NPAS1: variants seen among roughly 807,000 people sequenced by gnomAD.
The protein encoded by NPAS1 is neuronal PAS domain protein 1, also known as neuronal PAS domain-containing protein 1.
A neutral mutation model predicts 49.2 loss-of-function variants in NPAS1; 29 were observed. The observed-to-expected ratio is 0.59, with a 90% CI of 0.44 to 0.80. NPAS1 has a LOEUF of 0.80. Ranked by LOEUF, NPAS1 falls within the 30% of genes least tolerant of loss-of-function variation. The pLI is 0.00. For missense variants in NPAS1, 825 were observed against 835.5 expected, an observed-to-expected ratio of 0.99 and a Z score of 0.15; for synonymous variants, 408 against 380.4, an observed-to-expected ratio of 1.07 and a Z score of -0.84.
intron 6 of NPAS1, 40 bp from the exon 7 acceptor site, chr19:47,038,996 T>C (rs2122529629): frequency 6.3e-7 from 1 of 1,582,894 alleles, no homozygotes; most frequent in East Asian, 2.2e-5. Flanking sequence ...GTGTGTTTCC[T>C]CTTCAGGACC....
At chr19:47,020,902 C>G (rs990899204) in intron 1 of NPAS1, 104 bp from the exon 2 acceptor site, 5 of 405,020 alleles carry the variant, frequency 1.2e-5, no homozygotes, top group African/African-American at 4.2e-5. Context: ...AGGCCCCCCC[C>G]CCCCCAGCTC....
intron 6 of NPAS1, 85 bp from the exon 7 acceptor site, chr19:47,038,949 CTA>C (rs1481938988): frequency 1.5e-5 from 17 of 1,124,036 alleles, no homozygotes; most frequent in Middle Eastern, 2.0e-4. Context: ...CATCTTGTGT[CTA>C]TGTCCGGCTG....
At chr19:47,045,138 G>A in intron 11 of NPAS1, 53 bp from the exon 12 acceptor site, 1 of 1,559,866 alleles carries the variant, frequency 6.4e-7, no homozygotes, top group Non-Finnish European at 8.7e-7. Flanking sequence ...TCCACAGATG[G>A]GAAGACTGAG....
At chr19:47,031,527 C>T (rs545106458) in intron 3 of NPAS1, among the ~76,000 whole-genome samples, 2 of 82,662 alleles carry the variant, frequency 2.4e-5, no homozygotes, top group East Asian at 7.3e-4. Flanking sequence ...TCTCTTTTTT[C>T]TTTCTTTCTT....
At chr19:47,042,754 G>T in intron 10 of NPAS1, 56 bp from the exon 11 acceptor site, 1 of 1,438,794 alleles carries the variant, frequency 7.0e-7, no homozygotes. Flanking sequence ...AAAGCAGGAG[G>T]GAGTCCTGAG....
chr19:47,032,932 T>TTTTG (rs970782368), intron 5 of NPAS1, among the ~76,000 whole-genome samples, 200 bp downstream of exon 5: 16 of 152,220 alleles, frequency 1.1e-4, no homozygotes, highest in South Asian at 6.2e-4. Flanking sequence ...GGCTATTGTT[T>TTTTG]TTTGTTTGTT....
chr19:47,021,063 C>A lies in NPAS1; in HGVS notation c.16C>A (p.Pro6Thr). 1 of 1,606,922 alleles carries A rather than the reference C, an allele frequency of 6.2e-7. No homozygotes were observed. The highest frequency in any genetic ancestry group is 2.3e-5 in the East Asian group (1 of 44,310). The change falls in exon 2 of 12, where the codon CCC becomes ACC. Residue 6 changes from proline to threonine, a missense_variant. Pro to Thr is a conservative substitution (Grantham distance 38). Coordinates refer to ENST00000602212, the MANE Select transcript of NPAS1 (RefSeq NM_002517.4). The surrounding 1 kb of genome is among the most constrained non-coding windows in gnomAD (Gnocchi z 5.7). Reference protein sequence around the residue: MAAPYPGSGGGSEVKC... With the variant: MAAPYTGSGGGSEVKC... ...CCCCCCGGAGATGGCGGCCCCCTAT[C>A]CCGGCAGTGGCGGCGGAAGCGAGGT...
intron 10 of NPAS1, 55 bp downstream of exon 10, chr19:47,041,180 C>T: frequency 1.4e-6 from 2 of 1,454,150 alleles, no homozygotes; most frequent in Non-Finnish European, 1.8e-6. Flanking sequence ...CTGTCTCTCC[C>T]CACCTCCAGT....
intron 5 of NPAS1, among the ~76,000 whole-genome samples, 176 bp downstream of exon 5, chr19:47,032,908 T>C (rs4802330): frequency 0.53 from 81,240 of 152,066 alleles, 22,438 homozygotes; most frequent in Non-Finnish European, 0.62. Context: ...GGTTCATCCT[T>C]GAAGGCAGAG....
intron 3 of NPAS1, among the ~76,000 whole-genome samples, chr19:47,028,294 C>T (rs937796533): frequency 6.6e-6 from 1 of 152,018 alleles, no homozygotes; most frequent in Middle Eastern, 3.2e-3. Flanking sequence ...CCCGTCAACC[C>T]CCCAGCCCCC....
intron 10 of NPAS1, 90 bp downstream of exon 10, chr19:47,041,215 A>G: frequency 7.8e-7 from 1 of 1,288,258 alleles, no homozygotes; most frequent in Non-Finnish European, 1.0e-6. Flanking sequence ...GAGGGCTTCT[A>G]GAATGGGACA....
chr19:47,023,513 A>T (rs1255123223), intron 3 of NPAS1, among the ~76,000 whole-genome samples: 1 of 152,162 alleles, frequency 6.6e-6, no homozygotes, highest in Non-Finnish European at 1.5e-5. Flanking sequence ...GGACAGAGGC[A>T]TTTCTAGCTC....
At position 47,042,557 on chromosome 19, in the gene NPAS1, A is replaced by T. The variant is rs756521162; in HGVS notation, c.1218-253A>T. 1.2e-4 allele frequency among the ~76,000 whole-genome samples: 18 copies of T among 152,230 alleles called. 1 individual carries two copies. The highest frequency in any genetic ancestry group is 6.2e-4 in the South Asian group (3 of 4,834). On this transcript the variant is annotated intron_variant, in intron 10 of 11. Transcript: ENST00000602212. ...AGACATCAGATGGGCATGAGGTGCC[A>T]GAGGACACCCAGGTGGTGACATCCA...
At chr19:47,030,224 A>T (rs1406243234) in intron 3 of NPAS1, among the ~76,000 whole-genome samples, 1 of 152,066 alleles carries the variant, frequency 6.6e-6, no homozygotes, top group Non-Finnish European at 1.5e-5. Flanking sequence ...AGATTTCACC[A>T]TGTTGGCCAG....
intron 10 of NPAS1, among the ~76,000 whole-genome samples, chr19:47,042,186 G>A (rs368671184): frequency 2.2e-4 from 34 of 152,084 alleles, no homozygotes; most frequent in African/African-American, 8.0e-4. Context: ...GTGCACGCCT[G>A]TAATCCCAGC....
At chr19:47,038,139 T>G (rs1021045134) in intron 6 of NPAS1, among the ~76,000 whole-genome samples, 1 of 152,178 alleles carries the variant, frequency 6.6e-6, no homozygotes, top group Non-Finnish European at 1.5e-5. Context: ...GGATGGGTCC[T>G]GAGAGGTGGG....
intron 3 of NPAS1, among the ~76,000 whole-genome samples, chr19:47,025,604 C>T (rs2056866678): frequency 6.6e-6 from 1 of 151,414 alleles, no homozygotes; most frequent in South Asian, 2.1e-4. Context: ...GAAACAGGGT[C>T]TTGCTCTGTC....
chr19:47,039,985 G>A (rs1427266545), intron 8 of NPAS1, among the ~76,000 whole-genome samples: 3 of 152,076 alleles, frequency 2.0e-5, no homozygotes, highest in African/African-American at 7.3e-5. Context: ...GCATCCACGC[G>A]AATACTCGCA....
chr19:47,036,337 A>G (rs2056955420), intron 6 of NPAS1, among the ~76,000 whole-genome samples: 1 of 152,246 alleles, frequency 6.6e-6, no homozygotes, highest in African/African-American at 2.4e-5. Flanking sequence ...CGAGCTACAG[A>G]AAGACCCCCC....
Sources: gnomAD v4.1 joint callset for allele counts (sites outside exome capture counted in the v4.1 genomes callset) on GRCh38, gnomAD v4.1.1 for gene constraint, Gnocchi (gnomAD v3.1) non-coding constraint, MANE v1.5 for transcripts, NCBI Gene and HGNC (gene_info 2026-07-23, HGNC 2026-07-21) for gene names.